The following XKR4 variants were observed in gnomAD, a reference collection of about 807,000 sequenced individuals.
The protein encoded by XKR4 is XK related 4, also known as XK-related protein 4.
In XKR4, 12 loss-of-function variants were observed where a neutral mutation model predicts 53.9. The observed-to-expected ratio is 0.22, with a 90% CI of 0.14 to 0.36. XKR4 has a LOEUF of 0.36. Ranked by LOEUF, XKR4 falls within the 10% of genes least tolerant of loss-of-function variation. XKR4 has a pLI of 1.00. For missense variants in XKR4, 799 were observed against 859.5 expected (o/e 0.93, Z 0.88); for synonymous variants, 354 against 362.4 (o/e 0.98, Z 0.26).
chr8:55,224,345 G>C (rs534949254), intron 1 of XKR4, among the ~76,000 whole-genome samples: 1 of 152,256 alleles, frequency 6.6e-6, no homozygotes, highest in East Asian at 1.9e-4. Context: ...GTTGTGTCTT[G>C]AAAGGAAGTT....
chr8:55,233,739 C>A (rs751256044), intron 1 of XKR4, among the ~76,000 whole-genome samples: 1 of 152,208 alleles, frequency 6.6e-6, no homozygotes, highest in Non-Finnish European at 1.5e-5. Flanking sequence ...GAACTTTTCC[C>A]ACATTTGCTT....
At chr8:55,297,075 C>A (rs1819111207) in intron 1 of XKR4, among the ~76,000 whole-genome samples, 1 of 151,656 alleles carries the variant, frequency 6.6e-6, no homozygotes, top group South Asian at 2.1e-4. Flanking sequence ...CTATTCTGTG[C>A]TAGACTACAT....
intron 2 of XKR4, among the ~76,000 whole-genome samples, chr8:55,380,652 G>T (rs970308256): frequency 2.6e-5 from 4 of 152,202 alleles, no homozygotes; most frequent in South Asian, 2.1e-4. Context: ...ACTAAGTAGG[G>T]TTTACACCCA....
At chr8:55,191,252 C>A (rs969245534) in intron 1 of XKR4, among the ~76,000 whole-genome samples, 6 of 152,186 alleles carry the variant, frequency 3.9e-5, no homozygotes, top group African/African-American at 1.4e-4. Flanking sequence ...CCTGCTTGGA[C>A]TGCTCCTCTC....
At chr8:55,407,716 G>A (rs1804708172) in intron 2 of XKR4, among the ~76,000 whole-genome samples, 1 of 152,268 alleles carries the variant, frequency 6.6e-6, no homozygotes, top group African/African-American at 2.4e-5. Context: ...GGTGCTCACG[G>A]AAAAGACCGT....
chr8:55,486,178 A>G (rs1806188871), intron 2 of XKR4, among the ~76,000 whole-genome samples: 1 of 152,208 alleles, frequency 6.6e-6, no homozygotes, highest in Non-Finnish European at 1.5e-5. Flanking sequence ...AGTGCGCATC[A>G]CTTTGGTGCA....
chr8:55,418,439 C>T (rs1479608231), intron 2 of XKR4, among the ~76,000 whole-genome samples: 2 of 152,208 alleles, frequency 1.3e-5, no homozygotes, highest in Non-Finnish European at 2.9e-5. Flanking sequence ...TCTCTTCCAT[C>T]AGCAAATCCT....
chr8:55,241,865 T>G (rs1426974947), intron 1 of XKR4, among the ~76,000 whole-genome samples: 1 of 152,144 alleles, frequency 6.6e-6, no homozygotes, highest in African/African-American at 2.4e-5. Flanking sequence ...ACTATAATAA[T>G]GATGACAAGT....
At chr8:55,372,534 CT>C (rs1804083294) in intron 2 of XKR4, among the ~76,000 whole-genome samples, 1 of 149,878 alleles carries the variant, frequency 6.7e-6, no homozygotes, top group African/African-American at 2.5e-5. Context: ...TACTATGGTA[CT>C]TTCCCAGATA....
intron 2 of XKR4, among the ~76,000 whole-genome samples, chr8:55,430,980 T>C (rs1805095406): frequency 1.3e-5 from 2 of 152,206 alleles, no homozygotes; most frequent in South Asian, 4.1e-4. Context: ...ATTCAGCCCC[T>C]AGCAGTTACC....
intron 2 of XKR4, among the ~76,000 whole-genome samples, chr8:55,427,882 A>G (rs1805040412): frequency 6.6e-6 from 1 of 152,212 alleles, no homozygotes; most frequent in Non-Finnish European, 1.5e-5. Flanking sequence ...CTTATAGTTT[A>G]TAATCATTAC....
chr8:55,233,335 T>C (rs1213364933), intron 1 of XKR4, among the ~76,000 whole-genome samples: 1 of 152,178 alleles, frequency 6.6e-6, no homozygotes, highest in Non-Finnish European at 1.5e-5. Context: ...TTTGTCCTTT[T>C]ACTAACATAG....
At chr8:55,366,072 G>T (rs1803980908) in intron 2 of XKR4, among the ~76,000 whole-genome samples, 1 of 152,260 alleles carries the variant, frequency 6.6e-6, no homozygotes, top group Non-Finnish European at 1.5e-5. Context: ...AAAAGCAGCG[G>T]CTGGCTGGAG....
intron 1 of XKR4, among the ~76,000 whole-genome samples, chr8:55,141,099 A>G (rs1451949088): frequency 6.6e-6 from 1 of 152,172 alleles, no homozygotes. Flanking sequence ...GAAACTCTGT[A>G]CCCATTAGCA....
intron 1 of XKR4, among the ~76,000 whole-genome samples, chr8:55,304,783 T>G (rs181374719): frequency 7.9e-5 from 12 of 152,240 alleles, no homozygotes. Flanking sequence ...TCTTTGTTGG[T>G]TTAAGGTCTG....
At chr8:55,317,672 C>T (rs774365581) in intron 1 of XKR4, among the ~76,000 whole-genome samples, 5 of 152,194 alleles carry the variant, frequency 3.3e-5, no homozygotes, top group Admixed American at 6.5e-5. Context: ...ATGGAGGGCT[C>T]AGTATCTGGA....
intron 2 of XKR4, chr8:55,517,503 G>T (rs1490200454): frequency 6.6e-6 from 1 of 152,148 alleles, no homozygotes; most frequent in Non-Finnish European, 1.5e-5. Context: ...GCTAGAAAAG[G>T]TTTCCCAAAG....
intron 2 of XKR4, among the ~76,000 whole-genome samples, chr8:55,374,594 G>A (rs1804119980): frequency 1.3e-5 from 2 of 152,154 alleles, no homozygotes; most frequent in South Asian, 4.1e-4. Context: ...ATAAGAGAGA[G>A]GTGGGTGTAT....
chr8:55,264,500 C>A (rs760085162), intron 1 of XKR4, among the ~76,000 whole-genome samples: 16 of 152,298 alleles, frequency 1.1e-4, no homozygotes, highest in Admixed American at 6.5e-5. Flanking sequence ...GTTACTAGAA[C>A]AATCAGTATG....
Sources: allele counts gnomAD v4.1 joint callset (sites outside exome capture counted in the v4.1 genomes callset), GRCh38; gene constraint gnomAD v4.1.1; transcripts MANE v1.5; gene names NCBI Gene and HGNC (gene_info 2026-07-23, HGNC 2026-07-21).